Variants in RARRES2 observed in about 807,000 individuals in gnomAD.
RARRES2 encodes retinoic acid receptor responder protein 2.
In RARRES2, 12 loss-of-function variants were observed where a neutral mutation model predicts 17.9. The observed-to-expected ratio is 0.67, with a 90% CI of 0.43 to 1.08. The LOEUF (loss-of-function observed/expected upper bound fraction) is 1.08. Among genes scored for constraint, RARRES2 ranks in the 50% least tolerant of loss-of-function variants. RARRES2 has a pLI of 0.00. For missense variants in RARRES2, 220 were observed against 210.1 expected, an observed-to-expected ratio of 1.05 and a Z score of -0.29; for synonymous variants, 82 against 86.8, an observed-to-expected ratio of 0.94 and a Z score of 0.31.
Position 150,338,932 on chromosome 7 carries a change from T to C in RARRES2, c.375+54A>G, listed in dbSNP as rs900602371. On this transcript the variant is annotated intron_variant, in intron 4 of 5. Coordinates refer to ENST00000223271, the MANE Select transcript of RARRES2 (RefSeq NM_002889.4). ...CTCGAGACCAGCCCATAGGCTCAGCTTCCATCCATCTTCCCAGCCCTGTCA... is the reference window on the plus strand; with the variant it reads ...CTCGAGACCAGCCCATAGGCTCAGCCTCCATCCATCTTCCCAGCCCTGTCA... 51 of 1,554,902 alleles carry C rather than the reference T, an allele frequency of 3.3e-5. 1 individual carries two copies. Among genetic ancestry groups the C allele is most frequent in the South Asian group, 8.9e-5 (8 of 89,566 alleles).
At chr7:150,340,284 C>T (rs554986144) in intron 2 of RARRES2, 80 bp from the exon 3 acceptor site, 1 of 1,557,122 alleles carries the variant, frequency 6.4e-7, no homozygotes, top group African/African-American at 1.4e-5. Context: ...TCCGCACCTC[C>T]CTCACGCAGT....
In RARRES2 at chr7:150,340,603, G is replaced by A. The variant is rs1023425332; in HGVS notation, c.7C>T (p.Arg3Trp). The A allele has an allele frequency of 1.5e-5, 23 of 1,523,348 alleles. No homozygotes were observed. The highest frequency in any genetic ancestry group is 5.5e-5 in the African/African-American group (4 of 72,688). 94.4% of individuals were successfully genotyped at this position (1,523,348 alleles called of 1,614,324 possible). The part of the protein sequence containing the change: MR[R>W]LLIPLALWLG... The stretch of plus-strand genomic sequence containing the variant: ...CACAGGGCCAGAGGGATCAGCAGCC[G>A]TCGCATGCTTCCGTGTCACCCTGGC... The change falls in exon 2 of 6, where the codon CGG becomes TGG. Residue 3 changes from arginine (R) to tryptophan (W), a missense_variant. Physicochemically the swap from Arg to Trp is moderately radical, Grantham distance 101 (BLOSUM62 -3). Coordinates refer to ENST00000223271, the MANE Select transcript of RARRES2 (RefSeq NM_002889.4).
intron 1 of RARRES2, 160 bp from the exon 2 acceptor site, chr7:150,340,789 G>T: frequency 1.6e-6 from 1 of 620,952 alleles, no homozygotes; most frequent in Admixed American, 3.3e-5. Flanking sequence ...TCTCCAAATT[G>T]ACCTTAGGGT....
At chr7:150,338,490 C>T in intron 5 of RARRES2, 51 bp from the exon 6 acceptor site, 1 of 1,520,034 alleles carries the variant, frequency 6.6e-7, no homozygotes, top group Non-Finnish European at 8.8e-7. Flanking sequence ...GCTTCAGCCC[C>T]AGTCCCAGCT....
At position 150,338,595 on chromosome 7, in the gene RARRES2, C is replaced by A; in HGVS notation, c.*10+20G>T. 6.4e-7 allele frequency: 1 copy of A among 1,550,732 alleles called. No individual in the cohort carries two copies. ...GGGCTGGCCTCATCCAGACGGTGCT[C>A]TCAGCCCCCTGGTGCCTACCAGTGC... On this transcript the variant is annotated intron_variant, in intron 5 of 5. Coordinates refer to ENST00000223271, the MANE Select transcript of RARRES2 (RefSeq NM_002889.4).
At chr7:150,340,975 TG>T in intron 1 of RARRES2, 1 of 182,044 alleles carries the variant, frequency 5.5e-6, no homozygotes, top group Non-Finnish European at 1.1e-5. Flanking sequence ...CTCTCCTCCC[TG>T]CCGTCCCCGG....
Position 150,340,561 on chromosome 7 carries a change from C to T in RARRES2, c.49G>A (p.Val17Met), listed in dbSNP as rs1274311618. Residue 17 changes from valine to methionine, a missense_variant, in exon 2 of 6, where the codon GTG becomes ATG. Coordinates refer to ENST00000223271, the MANE Select transcript of RARRES2 (RefSeq NM_002889.4). ...PLALWLGAVG[V>M]GVAELTEAQR... ...GCTTCCGTGAGCTCGGCGACGCCCA[C>T]GCCCACCGCACCCAGCCACAGGGCC... 1 of 1,568,156 alleles carries T rather than the reference C, an allele frequency of 6.4e-7. No individual in the cohort carries two copies. Among genetic ancestry groups the T allele is most frequent in the Non-Finnish European group, 8.6e-7 (1 of 1,157,866 alleles).
chr7:150,339,161 G>C (rs774373551), intron 3 of RARRES2, 80 bp from the exon 4 acceptor site: 3 of 1,359,036 alleles, frequency 2.2e-6, no homozygotes, highest in Non-Finnish European at 3.1e-6. Context: ...GGGAGCCAGG[G>C]CTGCCCATCA....
At chr7:150,338,808 C>G in intron 4 of RARRES2, 67 bp from the exon 5 acceptor site, 1 of 1,564,306 alleles carries the variant, frequency 6.4e-7, no homozygotes, top group South Asian at 1.2e-5. Flanking sequence ...GGGCTGCCAG[C>G]ATCCTCCACA....
intron 1 of RARRES2, 125 bp downstream of exon 1, chr7:150,341,453 T>G (rs980335788): frequency 6.6e-6 from 1 of 152,220 alleles, no homozygotes. Context: ...GCGACAGATG[T>G]GGAAACCGAG....
chr7:150,340,728 C>G, intron 1 of RARRES2, 99 bp from the exon 2 acceptor site: 1 of 905,966 alleles, frequency 1.1e-6, no homozygotes, highest in Non-Finnish European at 1.6e-6. Context: ...GGGGCGGGGT[C>G]CAGGCCTGTA....
Position 150,340,089 on chromosome 7 carries a change from C to A in RARRES2, c.279+11G>T. 2 of 1,611,004 alleles carry A rather than the reference C, an allele frequency of 1.2e-6. No individual in the cohort carries two copies. The highest frequency in any genetic ancestry group is 1.1e-5 in the South Asian group (1 of 90,964). Reference sequence around the variant, plus strand: ...AGCATGCGCCCATTGCTCTCACACCCCTTCACTCACCCCATTGGGCCTGAC... The same window carrying A: ...AGCATGCGCCCATTGCTCTCACACCACTTCACTCACCCCATTGGGCCTGAC... On this transcript the variant is annotated intron_variant, in intron 3 of 5. Coordinates refer to ENST00000223271, the MANE Select transcript of RARRES2 (RefSeq NM_002889.4).
In RARRES2 at chr7:150,340,395, G is replaced by T. The variant is rs1000391241; in HGVS notation, c.174+41C>A. ...TCGTGGGAATGCGCTGGTCTCCTGG[G>T]GTACGACCCTCCCCGCTCCTGCCCG... On this transcript the variant is annotated intron_variant, in intron 2 of 5. Coordinates refer to ENST00000223271, the MANE Select transcript of RARRES2 (RefSeq NM_002889.4). 5 of 1,565,370 alleles carry T rather than the reference G, an allele frequency of 3.2e-6. No individual in the cohort carries two copies. The African/African-American group carries it at 4.0e-5, about 13-fold the overall frequency.
chr7:150,339,035 T>C lies in RARRES2; in HGVS notation c.326A>G (p.Lys109Arg). The change falls in exon 4 of 6, where the codon AAA (lysine) becomes AGA (arginine). Residue 109 changes from lysine (K) to arginine (R), a missense_variant. By Grantham distance (26) the Lys-to-Arg change is conservative. Coordinates refer to ENST00000223271, the MANE Select transcript of RARRES2 (RefSeq NM_002889.4). ...LACIKLGSEDKVLGRLVHCPI... is the reference protein window; with the variant it reads ...LACIKLGSEDRVLGRLVHCPI... ...GCAGTGGACCAACCGGCCCAGAACTTTGTCCTCAGAGCCCAGTTTGATGCA... is the reference window on the plus strand; with the variant it reads ...GCAGTGGACCAACCGGCCCAGAACTCTGTCCTCAGAGCCCAGTTTGATGCA... 1 of 1,613,644 alleles carries C rather than the reference T, an allele frequency of 6.2e-7. No individual in the cohort carries two copies. The highest frequency in any genetic ancestry group is 2.2e-5 in the East Asian group (1 of 44,874).
Position 150,340,147 on chromosome 7 carries a change from G to A in RARRES2, c.232C>T (p.Arg78Trp), listed in dbSNP as rs1199614698. Reference protein sequence around the residue: ...LEFKLQQTSCRKRDWKKPECK... With the variant: ...LEFKLQQTSCWKRDWKKPECK... ...TCGGGTTTCTTCCAGTCCCTCTTCCGGCAGCTTGTCTGCTGCAGCTTAAAT... is the reference window on the plus strand; with the variant it reads ...TCGGGTTTCTTCCAGTCCCTCTTCCAGCAGCTTGTCTGCTGCAGCTTAAAT... The change falls in exon 3 of 6, where the codon CGG becomes TGG. Residue 78 changes from arginine (R) to tryptophan (W), a missense_variant. By Grantham distance (101) the Arg-to-Trp change is moderately radical. Transcript: ENST00000223271. The A allele has an allele frequency of 3.7e-6, 6 of 1,614,120 alleles. No homozygotes were observed. The highest frequency in any genetic ancestry group is 4.5e-5 in the East Asian group (2 of 44,872).
At chr7:150,340,005 G>T in intron 3 of RARRES2, 95 bp downstream of exon 3, 1 of 1,077,738 alleles carries the variant, frequency 9.3e-7, no homozygotes, top group Non-Finnish European at 1.4e-6. Flanking sequence ...CCCAATTCAT[G>T]CATGCACACC....
At chr7:150,340,786 A>G (rs1798468208) in intron 1 of RARRES2, 157 bp from the exon 2 acceptor site, 3 of 632,436 alleles carry the variant, frequency 4.7e-6, no homozygotes, top group African/African-American at 2.0e-5. Flanking sequence ...CTTTCTCCAA[A>G]TTGACCTTAG....
At chr7:150,339,692 A>G (rs1458945815) in intron 3 of RARRES2, among the ~76,000 whole-genome samples, 1 of 151,632 alleles carries the variant, frequency 6.6e-6, no homozygotes, top group Non-Finnish European at 1.5e-5. Flanking sequence ...CATCACCCCC[A>G]CGGTGGAAGG....
Position 150,340,494 on chromosome 7 carries a change from T to A in RARRES2, c.116A>T (p.Lys39Met), listed in dbSNP as rs778923373. 1.9e-6 allele frequency: 3 copies of A among 1,607,538 alleles called. No individual in the cohort carries two copies. The highest frequency in any genetic ancestry group is 2.5e-6 in the Non-Finnish European group (3 of 1,177,246). ...GAAGGCCCACTGCACGGGCGGGTGC[T>A]TGTGAAATTCCTCCAGGGCCACCTG... ...GLQVALEEFH[K>M]HPPVQWAFQE... The change falls in exon 2 of 6, where the codon AAG becomes ATG. Residue 39 changes from lysine to methionine, a missense_variant. By Grantham distance (95) the Lys-to-Met change is moderately conservative (BLOSUM62 -1). Coordinates refer to ENST00000223271, the MANE Select transcript of RARRES2 (RefSeq NM_002889.4).
Sources: gnomAD v4.1 joint callset for allele counts (sites outside exome capture counted in the v4.1 genomes callset) on GRCh38, gnomAD v4.1.1 for gene constraint, MANE v1.5 for transcripts, NCBI Gene and HGNC (gene_info 2026-07-23, HGNC 2026-07-21) for gene names.